LNX2: variants seen among roughly 807,000 people sequenced by gnomAD.
LNX2 encodes the protein ligand of numb-protein X 2, also known as ligand of Numb protein X 2.
A neutral mutation model predicts 66.2 loss-of-function variants in LNX2; 35 were observed. The ratio of observed to expected loss-of-function variants is 0.53; its 90% CI spans 0.40 to 0.70. The LOEUF (loss-of-function observed/expected upper bound fraction) is 0.70, where lower values mean the gene tolerates loss of function less well. Among genes scored for constraint, LNX2 ranks in the 30% least tolerant of loss-of-function variants. The pLI, the probability that LNX2 is intolerant of heterozygous loss-of-function variation, is 0.00. For synonymous variants in LNX2, 337 were observed against 315.6 expected, an observed-to-expected ratio of 1.07 and a Z score of -0.72; for missense variants, 791 against 850.8, an observed-to-expected ratio of 0.93 and a Z score of 0.87.
chr13:27,607,173 T>C (rs2138468880), intron 1 of LNX2, among the ~76,000 whole-genome samples: 1 of 152,348 alleles, frequency 6.6e-6, no homozygotes, highest in African/African-American at 2.4e-5. Flanking sequence ...TCCAGTGTTA[T>C]AATACATTTC....
intron 1 of LNX2, among the ~76,000 whole-genome samples, chr13:27,615,069 A>G (rs990712098): frequency 2.0e-5 from 3 of 151,828 alleles, no homozygotes; most frequent in East Asian, 1.9e-4. Flanking sequence ...GTTCAATTCA[A>G]TTCTGACCTG....
At chr13:27,589,740 C>A (rs900237601) in intron 1 of LNX2, among the ~76,000 whole-genome samples, 15 of 152,050 alleles carry the variant, frequency 9.9e-5, no homozygotes, top group Admixed American at 9.8e-4. Flanking sequence ...AATCATGTTA[C>A]CTTAATTTGG....
intron 1 of LNX2, among the ~76,000 whole-genome samples, chr13:27,610,533 T>C (rs1356081490): frequency 2.0e-5 from 3 of 152,128 alleles, no homozygotes; most frequent in Non-Finnish European, 4.4e-5. Context: ...ATGTAAAACT[T>C]GAAACTATAA....
At chr13:27,598,623 T>G (rs1002749521) in intron 1 of LNX2, among the ~76,000 whole-genome samples, 11 of 109,940 alleles carry the variant, frequency 1.0e-4, no homozygotes, top group African/African-American at 5.6e-4. Flanking sequence ...TCCTCCCCAT[T>G]TTTCAAATGA....
chr13:27,598,216 A>AAG (rs1555269522), intron 1 of LNX2, among the ~76,000 whole-genome samples: 4 of 151,808 alleles, frequency 2.6e-5, no homozygotes, highest in African/African-American at 7.3e-5. Flanking sequence ...AAAAAAAAAA[A>AAG]AAAAGACATG....
In LNX2 at chr13:27,562,658, G is replaced by C. The variant is rs1350807102; in HGVS notation, c.979C>G (p.His327Asp). The change falls in exon 5 of 10, where the codon CAT becomes GAT. Residue 327 changes from histidine to aspartate, a missense_variant. Transcript: ENST00000316334. ...TCTCGTGGAGAGTTACTATCAGAATGGTTGTGTGCTCGGTTGCCAAAGCGC... is the reference window on the plus strand; with the variant it reads ...TCTCGTGGAGAGTTACTATCAGAATCGTTGTGTGCTCGGTTGCCAAAGCGC... ...ERRFGNRAHN[H>D]SDSNSPREEI... 6.2e-7 allele frequency: 1 copy of C among 1,614,172 alleles called. No homozygotes were observed. The highest frequency in any genetic ancestry group is 1.1e-5 in the South Asian group (1 of 91,080).
At chr13:27,562,932 C>A in intron 4 of LNX2, 151 bp from the exon 5 acceptor site, 1 of 785,952 alleles carries the variant, frequency 1.3e-6, no homozygotes, top group Non-Finnish European at 2.0e-6. Flanking sequence ...CAAAGAAAAC[C>A]ACATTAAAGA....
intron 1 of LNX2, among the ~76,000 whole-genome samples, chr13:27,586,634 A>G (rs1237078031): frequency 3.3e-5 from 5 of 152,362 alleles, no homozygotes; most frequent in Admixed American, 6.5e-5. Flanking sequence ...ACAGGAGGAC[A>G]TGCCCATGTT....
intron 1 of LNX2, among the ~76,000 whole-genome samples, chr13:27,587,087 C>T (rs74408887): frequency 0.039 from 5,894 of 152,206 alleles, 141 homozygotes; most frequent in East Asian, 0.093. Flanking sequence ...TCTTCACTGG[C>T]CCTAACCTAA....
At chr13:27,552,147 A>G (rs147233678) in intron 8 of LNX2, among the ~76,000 whole-genome samples, 2 of 152,328 alleles carry the variant, frequency 1.3e-5, no homozygotes, top group African/African-American at 4.8e-5. Flanking sequence ...AATGCTCTGA[A>G]AAAAAGAGGT....
At chr13:27,610,018 C>G (rs1955757276) in intron 1 of LNX2, among the ~76,000 whole-genome samples, 1 of 152,096 alleles carries the variant, frequency 6.6e-6, no homozygotes, top group Non-Finnish European at 1.5e-5. Context: ...AAGCACAAAG[C>G]CTAAAACTGA....
chr13:27,617,387 G>C (rs555535666), intron 1 of LNX2, among the ~76,000 whole-genome samples: 2 of 152,356 alleles, frequency 1.3e-5, no homozygotes, highest in East Asian at 1.9e-4. Flanking sequence ...CATTTGGATA[G>C]AGGAAGGTGG....
At chr13:27,602,447 G>C (rs768742732) in intron 1 of LNX2, among the ~76,000 whole-genome samples, 1 of 152,054 alleles carries the variant, frequency 6.6e-6, no homozygotes, top group Non-Finnish European at 1.5e-5. Flanking sequence ...GACTATTCTA[G>C]AGTATCACCT....
In LNX2 at chr13:27,596,420, C is replaced by T. The variant is rs550659303; in HGVS notation, c.-100-14617G>A. On this transcript the variant is annotated intron_variant, in intron 1 of 9. Transcript: ENST00000316334. ...TTACAGATTCATCATTTATTATAAA[C>T]CGTGTTTCTAACAAAGCCAAATCAC... 1.2e-3 allele frequency among the ~76,000 whole-genome samples: 176 copies of T among 152,116 alleles called. 1 individual carries two copies. Among genetic ancestry groups the T allele is most frequent in the African/African-American group, 4.0e-3 (168 of 41,496 alleles).
In LNX2 at chr13:27,567,848, T is replaced by C; in HGVS notation, c.656-9A>G. On this transcript the variant is annotated splice_polypyrimidine_tract_variant and intron_variant, in intron 3 of 9. Transcript: ENST00000316334. The stretch of plus-strand genomic sequence containing the variant: ...AAGTGGCTGTTGTGTGGCTGCCAAG[T>C]TAAAAATGAGACAGACAAAAACAGA... 6.2e-7 allele frequency: 1 copy of C among 1,612,632 alleles called. No individual in the cohort carries two copies. Among genetic ancestry groups the C allele is most frequent in the Non-Finnish European group, 8.5e-7 (1 of 1,178,764 alleles).
intron 1 of LNX2, among the ~76,000 whole-genome samples, chr13:27,583,533 G>A (rs1309229384): frequency 6.6e-6 from 1 of 151,908 alleles, no homozygotes; most frequent in East Asian, 1.9e-4. Flanking sequence ...GCTGATTACA[G>A]GTGTAAGCCA....
At position 27,566,970 on chromosome 13, in the gene LNX2, C is replaced by G. The variant is rs142154667; in HGVS notation, c.855+670G>C. 3.4e-3 allele frequency among the ~76,000 whole-genome samples: 521 copies of G among 152,222 alleles called. 5 individuals are homozygous for G. The highest frequency in any genetic ancestry group is 0.012 in the African/African-American group (497 of 41,538). ...TCCTCCCCTCATCTCAACTTGCCCTCTAATAAAATATCTTGTCCCATGCTA... is the reference window on the plus strand; with the variant it reads ...TCCTCCCCTCATCTCAACTTGCCCTGTAATAAAATATCTTGTCCCATGCTA... On this transcript the variant is annotated intron_variant, in intron 4 of 9. Coordinates refer to ENST00000316334, the MANE Select transcript of LNX2 (RefSeq NM_153371.4).
chr13:27,559,769 C>A (rs1955106552), intron 6 of LNX2, 73 bp downstream of exon 6: 1 of 1,384,476 alleles, frequency 7.2e-7, no homozygotes, highest in Non-Finnish European at 9.5e-7. Context: ...CACAAAAAAA[C>A]CTTCATTTAA....
At chr13:27,580,516 C>G (rs1262046318) in intron 2 of LNX2, among the ~76,000 whole-genome samples, 1 of 152,102 alleles carries the variant, frequency 6.6e-6, no homozygotes, top group African/African-American at 2.4e-5. Context: ...TTATGTGATT[C>G]TACACAAATG....
Sources: gnomAD v4.1 joint callset for allele counts (sites outside exome capture counted in the v4.1 genomes callset) on GRCh38, gnomAD v4.1.1 for gene constraint, MANE v1.5 for transcripts, NCBI Gene and HGNC (gene_info 2026-07-23, HGNC 2026-07-21) for gene names.